NTM: variants seen among roughly 807,000 people sequenced by gnomAD.
The protein encoded by NTM is neurotrimin, also known as IgLON family member 2.
Under a neutral mutation model 42.1 loss-of-function variants are expected in NTM, and 13 were observed. The observed-to-expected ratio is 0.31, with a 90% CI of 0.20 to 0.49. The LOEUF is 0.49. Ranked by LOEUF, NTM falls within the 20% of genes least tolerant of loss-of-function variation. The pLI, the probability that NTM is intolerant of heterozygous loss-of-function variation, is 0.99. For synonymous variants in NTM, 187 were observed against 179.2 expected (o/e 1.04, Z -0.35); for missense variants, 373 against 452.8 (o/e 0.82, Z 1.60).
intron 1 of NTM, among the ~76,000 whole-genome samples, chr11:131,437,829 T>C (rs749544569): frequency 1.3e-5 from 2 of 152,240 alleles, no homozygotes; most frequent in African/African-American, 4.8e-5. Flanking sequence ...CCTGTCAATA[T>C]GTCAGCTGGT....
At chr11:131,696,499 A>G (rs1479075704) in intron 1 of NTM, among the ~76,000 whole-genome samples, 1 of 152,084 alleles carries the variant, frequency 6.6e-6, no homozygotes, top group Non-Finnish European at 1.5e-5. Flanking sequence ...TCCATTTTCC[A>G]TATGGATTCT....
chr11:132,125,676 TGCGTAG>T (rs2065641444), intron 2 of NTM, among the ~76,000 whole-genome samples: 1 of 188 alleles, frequency 5.3e-3, no homozygotes, highest in Non-Finnish European at 0.01. Flanking sequence ...TCATGTGTAG[TGCGTAG>T]TGGGGTATGT....
chr11:131,719,386 C>T (rs1160648933), intron 1 of NTM, among the ~76,000 whole-genome samples: 2 of 152,174 alleles, frequency 1.3e-5, no homozygotes, highest in Non-Finnish European at 2.9e-5. Context: ...TGGTCACCTC[C>T]ATAATGTCAG....
intron 3 of NTM, among the ~76,000 whole-genome samples, chr11:132,183,730 C>G (rs2077959712): frequency 6.6e-6 from 1 of 152,136 alleles, no homozygotes. Flanking sequence ...AAGTGTGGAA[C>G]TTGGTGTAAA....
At chr11:131,900,083 T>C (rs2052917583) in intron 1 of NTM, among the ~76,000 whole-genome samples, 1 of 152,210 alleles carries the variant, frequency 6.6e-6, no homozygotes, top group East Asian at 1.9e-4. Context: ...GAGGCACTGA[T>C]GCAGAGGGCA....
intron 1 of NTM, among the ~76,000 whole-genome samples, chr11:131,867,466 TGTGTGTCTGA>T (rs1467112125): frequency 2.0e-5 from 3 of 151,990 alleles, no homozygotes; most frequent in South Asian, 2.1e-4. Flanking sequence ...TGTGTGTCTG[TGTGTGTCTGA>T]GTGTGTGTCT....
At chr11:131,618,071 A>G (rs184234916) in intron 1 of NTM, among the ~76,000 whole-genome samples, 1 of 152,290 alleles carries the variant, frequency 6.6e-6, no homozygotes, top group East Asian at 1.9e-4. Context: ...CAATCCCAGA[A>G]AGGCTTGAGG....
chr11:132,124,304 A>G (rs1386535200), intron 2 of NTM, among the ~76,000 whole-genome samples: 1 of 152,078 alleles, frequency 6.6e-6, no homozygotes, highest in East Asian at 1.9e-4. Flanking sequence ...AGATCTCAGC[A>G]GCCGTGGCTG....
At chr11:131,792,786 C>G (rs751764545) in intron 1 of NTM, among the ~76,000 whole-genome samples, 74 of 152,256 alleles carry the variant, frequency 4.9e-4, no homozygotes, top group Non-Finnish European at 4.1e-4. Flanking sequence ...AGAAGAGTGG[C>G]AATTCGTTTC....
rs58849475 is a variant in NTM, at chr11:132,136,744, T to C, written c.168-9538T>C. Among the ~76,000 whole-genome samples, 309 of 152,262 alleles carry C rather than the reference T, an allele frequency of 2.0e-3. 6 individuals carry two copies. In the East Asian group the frequency reaches 0.054, roughly 27 times the overall value. On this transcript the variant is annotated intron_variant, in intron 2 of 8. Transcript: ENST00000683400. Reference sequence around the variant, plus strand: ...ATATTTTTTTTTCCTCTTCAAGTCATGTTCAAGTTCTAAGTATGGATGGTG... The same window carrying C: ...ATATTTTTTTTTCCTCTTCAAGTCACGTTCAAGTTCTAAGTATGGATGGTG...
intron 1 of NTM, among the ~76,000 whole-genome samples, chr11:131,752,875 A>C (rs111314938): frequency 2.6e-5 from 4 of 152,194 alleles, no homozygotes; most frequent in South Asian, 4.2e-4. Context: ...GCAACAAAAG[A>C]CAAAATTGAC....
At chr11:132,314,785 A>G (rs2095379658) in intron 7 of NTM, 82 bp downstream of exon 7, 4 of 1,478,502 alleles carry the variant, frequency 2.7e-6, no homozygotes, top group South Asian at 2.9e-5. Context: ...CCTCAAGGCC[A>G]GGGTCAGAGG....
In NTM at chr11:131,387,808, TA is replaced by T. The variant is rs898284280; in HGVS notation, c.82+16929del. Among the ~76,000 whole-genome samples, 14 of 150,662 alleles carry T rather than the reference TA, an allele frequency of 9.3e-5. No homozygotes were observed. The East Asian group carries it at 1.4e-3, about 15-fold the overall frequency. ...ATACATCTGAAACCCACTCCCCCCT[TA>T]AAAAAAAAGGAGAACAAAAGTTTGT... On this transcript the variant is annotated intron_variant, in intron 1 of 8. Coordinates refer to ENST00000683400, the MANE Select transcript of NTM (RefSeq NM_001352005.2).
chr11:131,935,544 C>T (rs1470495537), intron 2 of NTM, among the ~76,000 whole-genome samples: 3 of 151,666 alleles, frequency 2.0e-5, no homozygotes, highest in Non-Finnish European at 4.4e-5. Context: ...TGAGTGTGCA[C>T]GCATGTGTGC....
chr11:131,802,329 C>T (rs2136236423), intron 1 of NTM, among the ~76,000 whole-genome samples: 1 of 152,252 alleles, frequency 6.6e-6, no homozygotes, highest in South Asian at 2.1e-4. Flanking sequence ...TTTCATTTTA[C>T]TTAGGGCCAT....
At chr11:131,852,555 G>A (rs1474336585) in intron 1 of NTM, among the ~76,000 whole-genome samples, 1 of 152,142 alleles carries the variant, frequency 6.6e-6, no homozygotes, top group Non-Finnish European at 1.5e-5. Flanking sequence ...CCACTGCTCT[G>A]GCAGCTCCAT....
chr11:132,232,155 C>T (rs1294193038), intron 4 of NTM, among the ~76,000 whole-genome samples: 1 of 152,236 alleles, frequency 6.6e-6, no homozygotes, highest in Non-Finnish European at 1.5e-5. Flanking sequence ...GCTGAGAAGT[C>T]AGCCCTTCAG....
chr11:131,975,346 A>G (rs1356896675), intron 2 of NTM, among the ~76,000 whole-genome samples: 1 of 152,000 alleles, frequency 6.6e-6, no homozygotes, highest in Non-Finnish European at 1.5e-5. Flanking sequence ...TGCCCAGCTA[A>G]TTTTTGTATT....
At position 131,494,706 on chromosome 11, in the gene NTM, C is replaced by G. The variant is rs547899952; in HGVS notation, c.82+123818C>G. 4.6e-5 allele frequency among the ~76,000 whole-genome samples: 7 copies of G among 152,350 alleles called. No individual in the cohort carries two copies. In the East Asian group the frequency reaches 1.3e-3, roughly 29 times the overall value. On this transcript the variant is annotated intron_variant, in intron 1 of 8. Transcript: ENST00000683400. ...ATCTATCCATGAAAAAAAAATATCT[C>G]CTACCAACTGACCTCCTTCCAAATA...
Sources: gnomAD v4.1 joint callset for allele counts (sites outside exome capture counted in the v4.1 genomes callset) on GRCh38, gnomAD v4.1.1 for gene constraint, MANE v1.5 for transcripts, NCBI Gene and HGNC (gene_info 2026-07-23, HGNC 2026-07-21) for gene names.